Variants in ELL2 observed in about 807,000 individuals in gnomAD.
The protein encoded by ELL2 is elongation factor for RNA polymerase II 2.
ELL2 carries 21 observed loss-of-function variants against 72.8 expected under a neutral mutation model. That is an observed-to-expected ratio of 0.29 (90% CI 0.20 to 0.42). The LOEUF is 0.42. Among genes scored for constraint, ELL2 ranks in the 10% least tolerant of loss-of-function variants. The pLI, the probability that ELL2 is intolerant of heterozygous loss-of-function variation, is 1.00. For missense variants in ELL2, 568 were observed against 772.8 expected (o/e 0.73, Z 3.14); for synonymous variants, 266 against 283.2 (o/e 0.94, Z 0.61).
chr5:95,952,335 A>C (rs1751445279), intron 1 of ELL2, among the ~76,000 whole-genome samples: 3 of 152,266 alleles, frequency 2.0e-5, no homozygotes, highest in African/African-American at 7.2e-5. Context: ...GGTGAGGATC[A>C]AAAAACTACC....
rs1561520800 is a variant in ELL2 at position 95,961,702 on chromosome 5, CCT to C, written c.18_19del (p.Gly8ProfsTer65). 1 of 1,606,380 alleles carries C rather than the reference CCT, an allele frequency of 6.2e-7. No individual in the cohort carries two copies. The highest frequency in any genetic ancestry group is 1.7e-5 in the Admixed American group (1 of 59,422). On this transcript the variant is annotated frameshift_variant, in exon 1 of 12. Transcript: ENST00000237853. LOFTEE classifies it high-confidence loss of function. ...ATAGCGCTGCTCCTCCCGCAGGCCC[CCT>C]GTCCCCCCCGCCGCCATCTTAAACT...
intron 2 of ELL2, among the ~76,000 whole-genome samples, chr5:95,920,467 G>T (rs1169164016): frequency 6.6e-6 from 1 of 151,546 alleles, no homozygotes; most frequent in South Asian, 2.1e-4. Context: ...CCGCCACTAC[G>T]CCCAGCTAAT....
intron 1 of ELL2, among the ~76,000 whole-genome samples, chr5:95,947,369 C>CT (rs1019674709): frequency 5.9e-5 from 9 of 152,168 alleles, no homozygotes; most frequent in African/African-American, 9.7e-5. Flanking sequence ...TATATACAAT[C>CT]TTTTTTTACC....
intron 2 of ELL2, among the ~76,000 whole-genome samples, chr5:95,924,715 C>A (rs1453415274): frequency 6.6e-6 from 1 of 152,178 alleles, no homozygotes; most frequent in East Asian, 1.9e-4. Context: ...GGACCACAAT[C>A]CACAACCCTC....
chr5:95,939,402 T>G (rs1214883425), intron 2 of ELL2, among the ~76,000 whole-genome samples: 1 of 152,212 alleles, frequency 6.6e-6, no homozygotes, highest in Non-Finnish European at 1.5e-5. Context: ...TAACAAGCAC[T>G]TGGCACTACT....
intron 3 of ELL2, 86 bp downstream of exon 3, chr5:95,919,338 A>C: frequency 1.4e-6 from 2 of 1,442,416 alleles, no homozygotes; most frequent in Non-Finnish European, 9.3e-7. Flanking sequence ...TTTATGGATG[A>C]ATATTATGTA....
rs1748445204 is a variant in ELL2, at chr5:95,885,884, A to T, written c.*2987T>A. 1 of 152,232 alleles carries T rather than the reference A, an allele frequency of 6.6e-6. No individual in the cohort carries two copies. Among genetic ancestry groups the T allele is most frequent in the African/African-American group, 2.4e-5 (1 of 41,464 alleles). The allele number at this position is 152,232 out of a possible 1,614,324, so 9.4% of individuals were successfully genotyped here. ...AAAGTTAAGCCCTCTAAAGTATTCAAAGTGGAATAAATAACAAGGTAGGAA... is the reference window on the plus strand; with the variant it reads ...AAAGTTAAGCCCTCTAAAGTATTCATAGTGGAATAAATAACAAGGTAGGAA... On this transcript the variant is annotated 3_prime_UTR_variant, in exon 12 of 12. Coordinates refer to ENST00000237853, the MANE Select transcript of ELL2 (RefSeq NM_012081.6).
intron 4 of ELL2, among the ~76,000 whole-genome samples, chr5:95,907,279 T>TAG (rs1749399366): frequency 9.0e-6 from 1 of 110,810 alleles, no homozygotes; most frequent in Admixed American, 8.9e-5. Context: ...CCGTTAGTGA[T>TAG]ATATATATAT....
At chr5:95,933,674 C>A (rs1307857320) in intron 2 of ELL2, among the ~76,000 whole-genome samples, 1 of 151,990 alleles carries the variant, frequency 6.6e-6, no homozygotes, top group Non-Finnish European at 1.5e-5. Context: ...AATGTTTATT[C>A]ACTTTGTTTT....
At chr5:95,903,111 C>G (rs1283359148) in intron 5 of ELL2, among the ~76,000 whole-genome samples, 1 of 151,390 alleles carries the variant, frequency 6.6e-6, no homozygotes, top group African/African-American at 2.4e-5. Context: ...TTCTTTTACC[C>G]CCAGCACTAC....
chr5:95,956,173 T>C (rs1354189672), intron 1 of ELL2, among the ~76,000 whole-genome samples: 2 of 152,194 alleles, frequency 1.3e-5, no homozygotes, highest in Non-Finnish European at 2.9e-5. Flanking sequence ...ACATATGTTC[T>C]TTCTTTCTCT....
chr5:95,933,860 C>T (rs1402531169), intron 2 of ELL2, among the ~76,000 whole-genome samples: 1 of 151,668 alleles, frequency 6.6e-6, no homozygotes, highest in Non-Finnish European at 1.5e-5. Context: ...TAATCCTGGA[C>T]TCATTATTCT....
intron 2 of ELL2, among the ~76,000 whole-genome samples, chr5:95,935,588 T>C (rs952514812): frequency 2.0e-5 from 3 of 152,202 alleles, no homozygotes; most frequent in Non-Finnish European, 4.4e-5. Context: ...TTGGAGTTGC[T>C]TTTTGAAAAT....
At position 95,953,878 on chromosome 5, in the gene ELL2, G is replaced by A. The variant is rs145460240; in HGVS notation, c.147+7697C>T. On this transcript the variant is annotated intron_variant, in intron 1 of 11. Transcript: ENST00000237853. ...TTACGTTTCATTAATCAATAGGACAGAAACCACAGAAGGTCTGATTTCCAT... is the reference window on the plus strand; with the variant it reads ...TTACGTTTCATTAATCAATAGGACAAAAACCACAGAAGGTCTGATTTCCAT... Among the ~76,000 whole-genome samples, 96 of 152,276 alleles carry A rather than the reference G, an allele frequency of 6.3e-4. No individual in the cohort carries two copies. The East Asian group carries it at 0.014, about 23-fold the overall frequency.
intron 7 of ELL2, among the ~76,000 whole-genome samples, chr5:95,899,510 T>C (rs1047644673): frequency 6.6e-6 from 1 of 152,130 alleles, no homozygotes; most frequent in South Asian, 2.1e-4. Context: ...GTCTTAATAA[T>C]TGGTCCATTA....
chr5:95,950,923 T>TATGTATGTATGTAC (rs1561515387), intron 1 of ELL2, among the ~76,000 whole-genome samples: 2 of 108,248 alleles, frequency 1.8e-5, no homozygotes, highest in Admixed American at 8.3e-5. Flanking sequence ...TATATATATA[T>TATGTATGTATGTAC]ATATATATAT....
chr5:95,893,271 T>A (rs1748734642), intron 9 of ELL2, among the ~76,000 whole-genome samples: 1 of 152,222 alleles, frequency 6.6e-6, no homozygotes, highest in Non-Finnish European at 1.5e-5. Flanking sequence ...TATGTGGTGA[T>A]GGAAAAAATT....
At chr5:95,894,291 C>T (rs1242363683) in intron 9 of ELL2, among the ~76,000 whole-genome samples, 1 of 152,130 alleles carries the variant, frequency 6.6e-6, no homozygotes, top group African/African-American at 2.4e-5. Flanking sequence ...AACACAACAG[C>T]CTTGAATCCA....
chr5:95,893,665 G>A (rs1342909682), intron 9 of ELL2, among the ~76,000 whole-genome samples: 5 of 152,208 alleles, frequency 3.3e-5, no homozygotes, highest in African/African-American at 4.8e-5. Flanking sequence ...GATTACAGGC[G>A]TGAGCCACCG....
Sources: allele counts gnomAD v4.1 joint callset (sites outside exome capture counted in the v4.1 genomes callset), GRCh38; gene constraint gnomAD v4.1.1; transcripts MANE v1.5; gene names NCBI Gene and HGNC (gene_info 2026-07-23, HGNC 2026-07-21).